ARHGEF10: variants seen among roughly 807,000 people sequenced by gnomAD.
ARHGEF10 encodes Rho guanine nucleotide exchange factor 10.
Under a neutral mutation model 147.4 loss-of-function variants are expected in ARHGEF10, and 140 were observed. The ratio of observed to expected loss-of-function variants is 0.95; its 90% CI spans 0.83 to 1.09. The LOEUF (loss-of-function observed/expected upper bound fraction) is 1.09, where lower values mean the gene tolerates loss of function less well. ARHGEF10 is among the 50% of genes least tolerant of loss of function. The pLI, the probability that ARHGEF10 is intolerant of heterozygous loss-of-function variation, is 0.00. For missense variants in ARHGEF10, 2,222 were observed against 1,752.7 expected (o/e 1.27, Z -4.78); for synonymous variants, 902 against 695.8 (o/e 1.30, Z -4.67).
At chr8:1,953,010 C>A (rs541907365) in intron 28 of ARHGEF10, among the ~76,000 whole-genome samples, 183 bp downstream of exon 28, 2 of 152,216 alleles carry the variant, frequency 1.3e-5, no homozygotes, top group Non-Finnish European at 2.9e-5. Context: ...TATATTTTTC[C>A]ATTTTTTACC....
chr8:1,894,000 T>G (rs573319464), intron 12 of ARHGEF10, among the ~76,000 whole-genome samples: 38 of 151,930 alleles, frequency 2.5e-4, no homozygotes, highest in African/African-American at 7.7e-4. Flanking sequence ...ACAGTGACTC[T>G]CCATCTCTAC....
At chr8:1,888,811 G>C (rs146739736) in intron 11 of ARHGEF10, among the ~76,000 whole-genome samples, 3 of 65,166 alleles carry the variant, frequency 4.6e-5, no homozygotes, top group Non-Finnish European at 8.7e-5. Flanking sequence ...GACACTGAGT[G>C]GGGTGAGAGT....
At chr8:1,923,379 C>A in intron 19 of ARHGEF10, 89 bp from the exon 20 acceptor site, 1 of 1,570,874 alleles carries the variant, frequency 6.4e-7, no homozygotes, top group Admixed American at 1.7e-5. Context: ...GTCTGAATTT[C>A]TCATATTAAA....
chr8:1,887,080 G>C (rs953525280), intron 11 of ARHGEF10, among the ~76,000 whole-genome samples: 1 of 152,190 alleles, frequency 6.6e-6, no homozygotes, highest in African/African-American at 2.4e-5. Flanking sequence ...AGGATGACAC[G>C]CTGGCCAGTC....
intron 11 of ARHGEF10, among the ~76,000 whole-genome samples, chr8:1,886,737 C>T (rs1437335337): frequency 2.0e-5 from 3 of 152,184 alleles, no homozygotes; most frequent in Admixed American, 2.0e-4. Context: ...CCTTGCAAAT[C>T]CCGTTGCCAT....
intron 16 of ARHGEF10, among the ~76,000 whole-genome samples, chr8:1,905,064 G>C (rs891569440): frequency 6.6e-6 from 1 of 152,198 alleles, no homozygotes; most frequent in African/African-American, 2.4e-5. Flanking sequence ...AGGAGGTGGA[G>C]GTTGCAGTGA....
intron 1 of ARHGEF10, among the ~76,000 whole-genome samples, chr8:1,839,785 A>G (rs1396318428): frequency 1.9e-3 from 126 of 65,598 alleles, no homozygotes; most frequent in African/African-American, 2.7e-3. Flanking sequence ...TGGTGTGGGT[A>G]CTGTCTGGTG....
At chr8:1,879,261 A>G (rs1028996218) in intron 8 of ARHGEF10, among the ~76,000 whole-genome samples, 1 of 152,168 alleles carries the variant, frequency 6.6e-6, no homozygotes, top group African/African-American at 2.4e-5. Context: ...TCAGTTAGAG[A>G]GAAAGTGATC....
At chr8:1,882,478 A>G (rs1348428859) in intron 9 of ARHGEF10, among the ~76,000 whole-genome samples, 157 bp from the exon 10 acceptor site, 3 of 152,112 alleles carry the variant, frequency 2.0e-5, no homozygotes, top group African/African-American at 7.2e-5. Flanking sequence ...CTTTTTTCCA[A>G]CAAACAAAAC....
At chr8:1,894,232 C>T (rs1346798310) in intron 12 of ARHGEF10, among the ~76,000 whole-genome samples, 161 bp from the exon 13 acceptor site, 1 of 151,512 alleles carries the variant, frequency 6.6e-6, no homozygotes, top group Non-Finnish European at 1.5e-5. Context: ...TGCCTATAAT[C>T]CCAGTTACTT....
At chr8:1,826,157 A>C (rs752364743) in intron 1 of ARHGEF10, 1 of 1,585,146 alleles carries the variant, frequency 6.3e-7, no homozygotes, top group Non-Finnish European at 8.5e-7. Flanking sequence ...CATTTGTATA[A>C]GGTGCTATTT....
Position 1,860,097 on chromosome 8 carries a change from G to T in ARHGEF10, c.394G>T (p.Gly132Cys), listed in dbSNP as rs751469603. 1.2e-5 allele frequency: 19 copies of T among 1,613,936 alleles called. No homozygotes were observed. The change falls in exon 4 of 29, where the codon GGC (glycine) becomes TGC (cysteine). Residue 132 changes from glycine (G) to cysteine (C), a missense_variant. Gly to Cys is a radical substitution (Grantham distance 159). Transcript: ENST00000349830. Reference sequence around the variant, plus strand: ...CGGGTACTTGGTGCCTGTACCCTGCGGCTATGCGGTGCCCTCCAACCTGCC... The same window carrying T: ...CGGGTACTTGGTGCCTGTACCCTGCTGCTATGCGGTGCCCTCCAACCTGCC... ...PCGYLVPVPC[G>C]YAVPSNLPLL...
At chr8:1,864,583 C>T in intron 5 of ARHGEF10, 147 bp downstream of exon 5, 1 of 797,088 alleles carries the variant, frequency 1.3e-6, no homozygotes, top group Non-Finnish European at 2.2e-6. Context: ...CCTCGGGTCC[C>T]TCCCAGGCGA....
At chr8:1,890,198 G>A (rs1242318043) in intron 11 of ARHGEF10, among the ~76,000 whole-genome samples, 2 of 131,834 alleles carry the variant, frequency 1.5e-5, no homozygotes, top group African/African-American at 3.0e-5. Flanking sequence ...ACTGAATAGG[G>A]TGAGGGTTGT....
chr8:1,951,123 A>G (rs576352417), intron 27 of ARHGEF10, among the ~76,000 whole-genome samples: 2 of 152,198 alleles, frequency 1.3e-5, no homozygotes, highest in African/African-American at 2.4e-5. Flanking sequence ...TTTCTCTCTC[A>G]TAAGACAATC....
At position 1,923,459 on chromosome 8, in the gene ARHGEF10, C is replaced by A. The variant is rs776472536; in HGVS notation, c.2260-9C>A. The A allele has an allele frequency of 6.2e-7, 1 of 1,614,064 alleles. No homozygotes were observed. The highest frequency in any genetic ancestry group is 8.5e-7 in the Non-Finnish European group (1 of 1,180,012). ...ACTTTTGAAATGTGCGTATTTATTTCCTTTGTAGAACTTAAACCAGTCAGT... is the reference window on the plus strand; with the variant it reads ...ACTTTTGAAATGTGCGTATTTATTTACTTTGTAGAACTTAAACCAGTCAGT... On this transcript the variant is annotated splice_polypyrimidine_tract_variant and intron_variant, in intron 19 of 28. Transcript: ENST00000349830.
chr8:1,845,577 A>G (rs56026211), intron 2 of ARHGEF10, among the ~76,000 whole-genome samples: 19,968 of 152,190 alleles, frequency 0.13, 1,570 homozygotes, highest in African/African-American at 0.22. Context: ...CCCGTGGCAG[A>G]TGGATGCTGC....
At chr8:1,878,336 C>T (rs1223786201) in intron 8 of ARHGEF10, among the ~76,000 whole-genome samples, 1 of 152,030 alleles carries the variant, frequency 6.6e-6, no homozygotes, top group Non-Finnish European at 1.5e-5. Context: ...ATTATAGGCA[C>T]CTTCCACTAC....
chr8:1,952,603 G>A, intron 27 of ARHGEF10, 102 bp from the exon 28 acceptor site: 2 of 1,497,814 alleles, frequency 1.3e-6, no homozygotes, highest in African/African-American at 1.4e-5. Flanking sequence ...GGCGGATTTG[G>A]TGGTGGCACG....
Sources: allele counts gnomAD v4.1 joint callset (sites outside exome capture counted in the v4.1 genomes callset), GRCh38; gene constraint gnomAD v4.1.1; transcripts MANE v1.5; gene names NCBI Gene and HGNC (gene_info 2026-07-23, HGNC 2026-07-21).